PHACTR1: variants seen among roughly 807,000 people sequenced by gnomAD.
PHACTR1 encodes the protein phosphatase and actin regulator 1, also known as RPEL repeat containing 1.
Under a neutral mutation model 69.2 loss-of-function variants are expected in PHACTR1, and 16 were observed. That is an observed-to-expected ratio of 0.23 (90% CI 0.16 to 0.35). PHACTR1 has a LOEUF of 0.35. PHACTR1 is among the 10% of genes least tolerant of loss of function. The probability of loss-of-function intolerance (pLI) is 1.00; values close to 1 mark genes in which losing one functional copy is unlikely to be tolerated. For missense variants in PHACTR1, 510 were observed against 734.7 expected, an observed-to-expected ratio of 0.69 and a Z score of 3.54; for synonymous variants, 312 against 284.5, an observed-to-expected ratio of 1.10 and a Z score of -0.97.
chr6:12,927,711 C>A (rs1312477049), intron 4 of PHACTR1, among the ~76,000 whole-genome samples: 3 of 152,228 alleles, frequency 2.0e-5, no homozygotes, highest in Admixed American at 1.3e-4. Context: ...CCCGTGATGA[C>A]AATGCCTGGG....
chr6:12,872,202 T>C (rs556398365), intron 4 of PHACTR1, among the ~76,000 whole-genome samples: 5 of 152,292 alleles, frequency 3.3e-5, no homozygotes, highest in Middle Eastern at 6.8e-3. Context: ...AGAAGACTTT[T>C]ATCTGTTAGC....
intron 5 of PHACTR1, among the ~76,000 whole-genome samples, chr6:13,111,383 G>A (rs1279270258): frequency 1.3e-5 from 2 of 152,078 alleles, no homozygotes; most frequent in Non-Finnish European, 2.9e-5. Context: ...GAATTTGCAT[G>A]TGTCTTCTGG....
At chr6:13,023,785 A>G (rs1378397927) in intron 4 of PHACTR1, among the ~76,000 whole-genome samples, 1 of 152,180 alleles carries the variant, frequency 6.6e-6, no homozygotes, top group Non-Finnish European at 1.5e-5. Context: ...AAAGTAAAAG[A>G]AAAAAATGGG....
chr6:13,152,703 TG>T (rs1395580440), intron 5 of PHACTR1, among the ~76,000 whole-genome samples: 1 of 152,226 alleles, frequency 6.6e-6, no homozygotes, highest in Non-Finnish European at 1.5e-5. Flanking sequence ...TGTTTTAAAC[TG>T]GAGATTTTAT....
chr6:13,152,258 T>C (rs1458522790), intron 5 of PHACTR1, among the ~76,000 whole-genome samples: 1 of 151,406 alleles, frequency 6.6e-6, no homozygotes, highest in Non-Finnish European at 1.5e-5. Flanking sequence ...GGCTTAAACC[T>C]GGGAGGTGGA....
chr6:13,214,399 T>C (rs1767362683), intron 8 of PHACTR1, among the ~76,000 whole-genome samples: 1 of 152,228 alleles, frequency 6.6e-6, no homozygotes, highest in African/African-American at 2.4e-5. Context: ...GAGCTCCAGA[T>C]ACTATAATTT....
At chr6:12,796,696 A>G (rs549665352) in intron 4 of PHACTR1, among the ~76,000 whole-genome samples, 2 of 152,314 alleles carry the variant, frequency 1.3e-5, no homozygotes, top group African/African-American at 4.8e-5. Flanking sequence ...CACAGAAAAG[A>G]GCTTTTGTTG....
chr6:12,968,363 GTTTC>G (rs1323035297), intron 4 of PHACTR1, among the ~76,000 whole-genome samples: 6 of 152,282 alleles, frequency 3.9e-5, no homozygotes, highest in Non-Finnish European at 5.9e-5. Context: ...TTCTTCCTGA[GTTTC>G]TTTAATTTTT....
At chr6:13,006,550 T>C (rs1798816264) in intron 4 of PHACTR1, among the ~76,000 whole-genome samples, 1 of 152,042 alleles carries the variant, frequency 6.6e-6, no homozygotes, top group East Asian at 1.9e-4. Flanking sequence ...AGTATGATAT[T>C]TAAATAAGGT....
intron 5 of PHACTR1, among the ~76,000 whole-genome samples, chr6:13,088,800 C>T (rs1210698942): frequency 6.6e-6 from 1 of 152,144 alleles, no homozygotes; most frequent in Non-Finnish European, 1.5e-5. Context: ...TTAAATGACC[C>T]TTGTCTGCAG....
intron 4 of PHACTR1, among the ~76,000 whole-genome samples, chr6:12,918,554 C>T (rs1185378656): frequency 6.6e-6 from 1 of 152,168 alleles, no homozygotes; most frequent in Non-Finnish European, 1.5e-5. Flanking sequence ...CCATCGTTAT[C>T]ATTGTTTCAT....
intron 3 of PHACTR1, among the ~76,000 whole-genome samples, chr6:12,732,631 C>A (rs1236329510): frequency 6.6e-6 from 1 of 152,014 alleles, no homozygotes; most frequent in African/African-American, 2.4e-5. Flanking sequence ...CCAGCTTCAT[C>A]CATGTCCCTG....
intron 4 of PHACTR1, among the ~76,000 whole-genome samples, chr6:12,871,223 C>T (rs951615031): frequency 3.9e-5 from 6 of 152,104 alleles, no homozygotes; most frequent in African/African-American, 7.2e-5. Context: ...ATTTGCTCAC[C>T]GCTATGTGCT....
intron 4 of PHACTR1, among the ~76,000 whole-genome samples, chr6:12,815,921 G>GT (rs1561909158): frequency 6.6e-6 from 1 of 152,134 alleles, no homozygotes. Flanking sequence ...TTTATGCTCC[G>GT]TTTCCAAGTG....
chr6:12,792,732 G>A (rs1387490832), intron 4 of PHACTR1, among the ~76,000 whole-genome samples: 1 of 151,710 alleles, frequency 6.6e-6, no homozygotes, highest in African/African-American at 2.4e-5. Context: ...TGGACTCTGA[G>A]GCTTTTTAGA....
intron 6 of PHACTR1, among the ~76,000 whole-genome samples, chr6:13,182,316 G>A (rs935013749): frequency 2.0e-5 from 3 of 152,200 alleles, no homozygotes; most frequent in Admixed American, 2.0e-4. Flanking sequence ...AAATGCTGAA[G>A]ATCATTGGAA....
At chr6:12,853,376 G>T (rs1234615741) in intron 4 of PHACTR1, among the ~76,000 whole-genome samples, 1 of 152,148 alleles carries the variant, frequency 6.6e-6, no homozygotes, top group African/African-American at 2.4e-5. Flanking sequence ...TGGCACAGGA[G>T]ATAGGATTTA....
At chr6:13,056,835 G>C (rs1192909359) in intron 5 of PHACTR1, among the ~76,000 whole-genome samples, 1 of 152,226 alleles carries the variant, frequency 6.6e-6, no homozygotes, top group Non-Finnish European at 1.5e-5. Context: ...TCACCTGAGA[G>C]ATGGTGGGGA....
intron 4 of PHACTR1, among the ~76,000 whole-genome samples, chr6:12,887,103 G>T (rs1205222287): frequency 1.3e-5 from 2 of 151,974 alleles, no homozygotes; most frequent in African/African-American, 4.8e-5. Flanking sequence ...GCCATGTGCT[G>T]TTCCACTCAG....
Sources: gnomAD v4.1 joint callset for allele counts (sites outside exome capture counted in the v4.1 genomes callset) on GRCh38, gnomAD v4.1.1 for gene constraint, MANE v1.5 for transcripts, NCBI Gene and HGNC (gene_info 2026-07-23, HGNC 2026-07-21) for gene names.